The following MYH14 variants were observed in gnomAD, a reference collection of about 807,000 sequenced individuals.
MYH14 encodes the protein myosin heavy chain 14.
In MYH14, 123 loss-of-function variants were observed where a neutral mutation model predicts 255.5. The observed-to-expected ratio is 0.48, with a 90% CI of 0.42 to 0.56. The LOEUF is 0.56. MYH14 is among the 20% of genes least tolerant of loss of function. The probability of loss-of-function intolerance (pLI) is 0.00; values close to 1 mark genes in which losing one functional copy is unlikely to be tolerated. For missense variants in MYH14, 2,423 were observed against 2,802.3 expected, an observed-to-expected ratio of 0.86 and a Z score of 3.06; for synonymous variants, 1,095 against 1,161.2, an observed-to-expected ratio of 0.94 and a Z score of 1.16.
intron 10 of MYH14, among the ~76,000 whole-genome samples, chr19:50,238,538 A>G (rs584020): frequency 0.96 from 146,745 of 152,224 alleles, 70,782 homozygotes; most frequent in African/African-American, 0.99. Context: ...TCCAACCTCC[A>G]CCTCCCTGGT....
At chr19:50,270,116 C>T (rs539822767) in intron 24 of MYH14, among the ~76,000 whole-genome samples, 2 of 152,164 alleles carry the variant, frequency 1.3e-5, no homozygotes, top group East Asian at 1.9e-4. Flanking sequence ...ACACTACCCA[C>T]GAGGCCTGAG....
chr19:50,253,195 AC>A (rs1378071766), intron 16 of MYH14, among the ~76,000 whole-genome samples: 5 of 152,202 alleles, frequency 3.3e-5, no homozygotes. Context: ...TAATCCCAGC[AC>A]TTTTGGGAGG....
intron 2 of MYH14, among the ~76,000 whole-genome samples, chr19:50,212,234 G>A (rs1246539714): frequency 6.6e-6 from 1 of 152,180 alleles, no homozygotes; most frequent in Non-Finnish European, 1.5e-5. Context: ...GCTCTCTGGG[G>A]CTGTGACATG....
intron 21 of MYH14, 120 bp from the exon 22 acceptor site, chr19:50,263,192 C>T: frequency 1.4e-6 from 1 of 706,710 alleles, no homozygotes; most frequent in Non-Finnish European, 2.2e-6. Flanking sequence ...GAGCAAGACT[C>T]TGTCTCAGAA....
chr19:50,298,123 A>T (rs928064270), intron 39 of MYH14, among the ~76,000 whole-genome samples: 3 of 152,188 alleles, frequency 2.0e-5, no homozygotes, highest in African/African-American at 7.2e-5. Context: ...GGTGTGATTA[A>T]CAACCACGTA....
chr19:50,259,075 C>A (rs2034715449), intron 18 of MYH14, 69 bp from the exon 19 acceptor site: 2 of 1,506,322 alleles, frequency 1.3e-6, no homozygotes, highest in Admixed American at 4.4e-5. Flanking sequence ...CAGGAAATTG[C>A]CAAGCTTGAC....
chr19:50,276,638 C>T lies in MYH14; in HGVS notation c.3681-119C>T. The T allele has an allele frequency of 7.7e-7, 1 of 1,296,110 alleles. No homozygotes were observed. Among genetic ancestry groups the T allele is most frequent in the Non-Finnish European group, 1.1e-6 (1 of 910,474 alleles). The allele number at this position is 1,296,110 out of a possible 1,614,324, so 80.3% of individuals were successfully genotyped here. On this transcript the variant is annotated intron_variant, in intron 28 of 42. Coordinates refer to ENST00000642316, the MANE Select transcript of MYH14 (RefSeq NM_001145809.2). The surrounding 1 kb of genome is among the most constrained non-coding windows in gnomAD (Gnocchi z 4.3). ...ATCACCACCCAGATCTCCTGAGGAGCATAACATGAGGCCCTCATATTTTAA... is the reference window on the plus strand; with the variant it reads ...ATCACCACCCAGATCTCCTGAGGAGTATAACATGAGGCCCTCATATTTTAA...
At chr19:50,228,086 C>A (rs142281659) in intron 8 of MYH14, among the ~76,000 whole-genome samples, 10,973 of 152,136 alleles carry the variant, frequency 0.072, 564 homozygotes, top group Non-Finnish European at 0.11. Context: ...GAGTTTGAGA[C>A]CAGCCAGGCC....
At chr19:50,239,623 C>T (rs560055487) in intron 10 of MYH14, among the ~76,000 whole-genome samples, 7 of 152,010 alleles carry the variant, frequency 4.6e-5, no homozygotes, top group Non-Finnish European at 1.0e-4. Context: ...GATCTCCGCT[C>T]ACTGCAAGCT....
At chr19:50,210,215 C>T in intron 1 of MYH14, 148 bp from the exon 2 acceptor site, 4 of 571,674 alleles carry the variant, frequency 7.0e-6, no homozygotes, top group Non-Finnish European at 1.1e-5. Flanking sequence ...AATGAGTAAG[C>T]TGGGTCTGTT....
chr19:50,260,740 C>T (rs1224402119), intron 20 of MYH14, 25 bp downstream of exon 20: 16 of 1,468,028 alleles, frequency 1.1e-5, no homozygotes, highest in Middle Eastern at 1.7e-4. Context: ...GCCTGGAATG[C>T]GTGTGTGCGT....
intron 18 of MYH14, 38 bp downstream of exon 18, chr19:50,257,524 G>A (rs1478762594): frequency 6.4e-7 from 1 of 1,562,798 alleles, no homozygotes; most frequent in Non-Finnish European, 8.7e-7. Context: ...GGTGGCTGTG[G>A]CTGTGGGTTA....
In MYH14 at chr19:50,268,234, C is replaced by G. The variant is rs142134135; in HGVS notation, c.2900C>G (p.Thr967Arg). ...GAACTGTGTGCAGAGGCCGAGGAGA[C>G]GCGGGGGAGGCTGGCAGCCCGCAAG... Reference protein sequence around the residue: ...EAELCAEAEETRGRLAARKQE... With the variant: ...EAELCAEAEERRGRLAARKQE... The change falls in exon 24 of 43, where the codon ACG (threonine) becomes AGG (arginine). Residue 967 changes from threonine to arginine, a missense_variant. Coordinates refer to ENST00000642316, the MANE Select transcript of MYH14 (RefSeq NM_001145809.2). 3.2e-6 allele frequency: 5 copies of G among 1,563,798 alleles called. No homozygotes were observed. Among genetic ancestry groups the G allele is most frequent in the Non-Finnish European group, 4.3e-6 (5 of 1,154,800 alleles).
Position 50,261,487 on chromosome 19 carries a change from G to A in MYH14, c.2437G>A (p.Glu813Lys). ...CCACCCCTCACAGATCCAGGCGCTG[G>A]AACTGGACCCCAACCTCTACCGCGT... ...QACEKMIQAL[E>K]LDPNLYRVGQ... Residue 813 changes from glutamate to lysine, a missense_variant, in exon 21 of 43, where the codon GAA (glutamate) becomes AAA (lysine). Glu to Lys is a moderately conservative substitution (Grantham distance 56). Transcript: ENST00000642316. 1 of 1,507,864 alleles carries A rather than the reference G, an allele frequency of 6.6e-7. No individual in the cohort carries two copies. Among genetic ancestry groups the A allele is most frequent in the Non-Finnish European group, 8.8e-7 (1 of 1,137,532 alleles). The allele number at this position is 1,507,864 out of a possible 1,614,324, so 93.4% of individuals were successfully genotyped here. A position where few individuals can be genotyped will look rare whatever the true frequency, so the allele number is the denominator to read the frequency against.
chr19:50,230,354 A>G lies in MYH14; in HGVS notation c.875-171A>G, dbSNP rs1487483829. Among the ~76,000 whole-genome samples the G allele has an allele frequency of 6.6e-6, 1 of 152,226 alleles. No individual in the cohort carries two copies. Among genetic ancestry groups the G allele is most frequent in the African/African-American group, 2.4e-5 (1 of 41,450 alleles). ...ACTGAGGCACAAGTGCTTAAGTGAC[A>G]TGAGCACGGCTGCTCTTCCAGTTAG... On this transcript the variant is annotated intron_variant, in intron 8 of 42. Coordinates refer to ENST00000642316, the MANE Select transcript of MYH14 (RefSeq NM_001145809.2). This position sits in a 1 kb window ranked among gnomAD's most constrained non-coding sequence, Gnocchi z 4.7.
chr19:50,249,483 C>A, intron 13 of MYH14, 167 bp from the exon 14 acceptor site: 1 of 774,596 alleles, frequency 1.3e-6, no homozygotes, highest in African/African-American at 1.7e-5. Flanking sequence ...GCTCTGTCCC[C>A]TGTCTCTGGG....
Position 50,276,630 on chromosome 19 carries a change from CTGAGGAG to C in MYH14, c.3681-126_3681-120del, listed in dbSNP as rs914216089. 2.4e-5 allele frequency: 29 copies of C among 1,230,188 alleles called. No homozygotes were observed. Among genetic ancestry groups the C allele is most frequent in the Non-Finnish European group, 3.4e-5 (29 of 856,768 alleles). The allele number at this position is 1,230,188 out of a possible 1,614,324, so 76.2% of individuals were successfully genotyped here. ...TCCACAGCATCACCACCCAGATCTC[CTGAGGAG>C]CATAACATGAGGCCCTCATATTTTA... is the stretch of plus-strand genomic sequence containing the variant. On this transcript the variant is annotated intron_variant, in intron 28 of 42. Transcript: ENST00000642316. The surrounding 1 kb of genome is among the most constrained non-coding windows in gnomAD (Gnocchi z 4.3).
chr19:50,271,429 G>A lies in MYH14; in HGVS notation c.3054G>A (p.Glu1018=). ...CCCAGGAGCTAGAGGCCCACCTTGA[G>A]GCTGAGGAGGGTGCGCGGCAGAAGC... ...QHIQELEAHL[E]AEEGARQKLQ... is the part of the protein sequence containing the mutation. The change falls in exon 25 of 43, where the codon GAG becomes GAA. Residue 1018 remains glutamate (E), a synonymous_variant. Transcript: ENST00000642316. 1 of 1,605,324 alleles carries A rather than the reference G, an allele frequency of 6.2e-7. No individual in the cohort carries two copies. The highest frequency in any genetic ancestry group is 1.7e-4 in the Middle Eastern group (1 of 5,768).
intron 1 of MYH14, among the ~76,000 whole-genome samples, chr19:50,204,840 A>T (rs1350046239): frequency 6.6e-6 from 1 of 151,642 alleles, no homozygotes; most frequent in Non-Finnish European, 1.5e-5. Flanking sequence ...GGCTGCAGTG[A>T]GCCATGATCG....
Sources: gnomAD v4.1 joint callset for allele counts (sites outside exome capture counted in the v4.1 genomes callset) on GRCh38, gnomAD v4.1.1 for gene constraint, Gnocchi (gnomAD v3.1) non-coding constraint, MANE v1.5 for transcripts, NCBI Gene and HGNC (gene_info 2026-07-23, HGNC 2026-07-21) for gene names.